RGS7: variants seen among roughly 807,000 people sequenced by gnomAD.
The protein encoded by RGS7 is regulator of G-protein signaling 7.
Under a neutral mutation model 81.1 loss-of-function variants are expected in RGS7, and 27 were observed. The ratio of observed to expected loss-of-function variants is 0.33; its 90% CI spans 0.25 to 0.46. The LOEUF (loss-of-function observed/expected upper bound fraction) is 0.46. Among genes scored for constraint, RGS7 ranks in the 20% least tolerant of loss-of-function variants. The pLI is 1.00. For missense variants in RGS7, 396 were observed against 607.4 expected (o/e 0.65, Z 3.66); for synonymous variants, 208 against 207.7 (o/e 1.00, Z -0.01).
At chr1:241,004,189 C>A (rs769173680) in intron 3 of RGS7, among the ~76,000 whole-genome samples, 23 of 152,156 alleles carry the variant, frequency 1.5e-4, no homozygotes, top group Admixed American at 6.5e-5. Flanking sequence ...AAGACTAAGG[C>A]CTGAAATCCT....
intron 2 of RGS7, among the ~76,000 whole-genome samples, chr1:241,189,057 C>G (rs1439118961): frequency 6.6e-6 from 1 of 152,142 alleles, no homozygotes; most frequent in Non-Finnish European, 1.5e-5. Flanking sequence ...TCACTGTGGT[C>G]TCAAATTCCT....
chr1:241,152,662 G>A (rs1270753645), intron 2 of RGS7, among the ~76,000 whole-genome samples: 1 of 152,184 alleles, frequency 6.6e-6, no homozygotes, highest in Non-Finnish European at 1.5e-5. Context: ...TGTGTTCAAT[G>A]GAGCAATGTG....
At chr1:241,221,058 A>G (rs2074956855) in intron 2 of RGS7, among the ~76,000 whole-genome samples, 1 of 136,090 alleles carries the variant, frequency 7.3e-6, no homozygotes, top group Admixed American at 7.2e-5. Context: ...AAAGAAAGAA[A>G]GAGAGAGAGA....
intron 2 of RGS7, among the ~76,000 whole-genome samples, chr1:241,112,289 T>G (rs1220763017): frequency 6.6e-6 from 1 of 152,124 alleles, no homozygotes; most frequent in Non-Finnish European, 1.5e-5. Flanking sequence ...CCCAGAGATG[T>G]CTCTGGGATG....
intron 3 of RGS7, among the ~76,000 whole-genome samples, chr1:240,991,442 GC>G (rs1306982554): frequency 6.6e-6 from 1 of 152,174 alleles, no homozygotes; most frequent in Non-Finnish European, 1.5e-5. Context: ...AACCAGAGAA[GC>G]TTTTCCCAAG....
intron 6 of RGS7, among the ~76,000 whole-genome samples, chr1:240,923,990 T>C (rs1156800959): frequency 6.6e-6 from 1 of 152,160 alleles, no homozygotes; most frequent in Non-Finnish European, 1.5e-5. Context: ...TATGTGTTTA[T>C]TTCAAAATTC....
chr1:240,923,215 A>G (rs1166627740), intron 6 of RGS7, among the ~76,000 whole-genome samples: 2 of 152,090 alleles, frequency 1.3e-5, no homozygotes, highest in African/African-American at 2.4e-5. Context: ...GGCAGAACAC[A>G]GAGAATCTTT....
At chr1:240,964,634 T>A (rs1474888059) in intron 4 of RGS7, among the ~76,000 whole-genome samples, 2 of 152,182 alleles carry the variant, frequency 1.3e-5, no homozygotes, top group Admixed American at 1.3e-4. Context: ...GTACCTCCAG[T>A]GCAAGGATGG....
intron 2 of RGS7, among the ~76,000 whole-genome samples, chr1:241,251,070 C>T (rs1252958043): frequency 1.3e-5 from 2 of 152,176 alleles, no homozygotes; most frequent in Admixed American, 6.5e-5. Context: ...TATTTTCAAA[C>T]CTTCTGTTTT....
chr1:241,009,115 T>C (rs951730343), intron 3 of RGS7, among the ~76,000 whole-genome samples: 1 of 152,118 alleles, frequency 6.6e-6, no homozygotes, highest in African/African-American at 2.4e-5. Context: ...ATCTTCATTA[T>C]AGATTAACTT....
At chr1:241,251,755 C>G (rs1484881283) in intron 2 of RGS7, among the ~76,000 whole-genome samples, 1 of 152,048 alleles carries the variant, frequency 6.6e-6, no homozygotes, top group Non-Finnish European at 1.5e-5. Context: ...GGTGATCTGC[C>G]CACCTCAGCC....
At chr1:241,040,690 A>T (rs2060570746) in intron 3 of RGS7, among the ~76,000 whole-genome samples, 1 of 152,092 alleles carries the variant, frequency 6.6e-6, no homozygotes, top group Non-Finnish European at 1.5e-5. Flanking sequence ...GGGTTTTACC[A>T]TCTTGGCCGT....
At chr1:241,267,745 A>T (rs1216926099) in intron 2 of RGS7, among the ~76,000 whole-genome samples, 1 of 152,118 alleles carries the variant, frequency 6.6e-6, no homozygotes, top group East Asian at 1.9e-4. Flanking sequence ...TTTAGCACAC[A>T]TATTTTTAAT....
At chr1:241,125,601 T>C (rs1362120625) in intron 2 of RGS7, among the ~76,000 whole-genome samples, 1 of 152,182 alleles carries the variant, frequency 6.6e-6, no homozygotes, top group Non-Finnish European at 1.5e-5. Flanking sequence ...ACTTCTCTAG[T>C]TAGAAAAAAA....
chr1:240,815,617 T>C (rs1367574610), intron 11 of RGS7, among the ~76,000 whole-genome samples: 1 of 152,156 alleles, frequency 6.6e-6, no homozygotes, highest in East Asian at 1.9e-4. Flanking sequence ...CTGATTATTG[T>C]AAATATACTA....
intron 6 of RGS7, among the ~76,000 whole-genome samples, chr1:240,911,575 G>T (rs954962561): frequency 6.6e-6 from 1 of 152,094 alleles, no homozygotes; most frequent in African/African-American, 2.4e-5. Flanking sequence ...CTTTACTTTA[G>T]AATTGGATAG....
intron 2 of RGS7, among the ~76,000 whole-genome samples, chr1:241,325,573 C>T (rs2081443702): frequency 6.6e-6 from 1 of 152,184 alleles, no homozygotes; most frequent in Non-Finnish European, 1.5e-5. Flanking sequence ...TCTCTACTGA[C>T]TTTCACTAGG....
At chr1:241,138,899 C>T (rs1224736806) in intron 2 of RGS7, among the ~76,000 whole-genome samples, 2 of 152,038 alleles carry the variant, frequency 1.3e-5, no homozygotes, top group African/African-American at 4.8e-5. Flanking sequence ...AAATCACAAA[C>T]TCCAGGCTTT....
chr1:241,338,889 A>G (rs1364997146), intron 2 of RGS7, among the ~76,000 whole-genome samples: 1 of 151,964 alleles, frequency 6.6e-6, no homozygotes, highest in Non-Finnish European at 1.5e-5. Context: ...TGCCTTGCAC[A>G]TATTAATTTT....
Sources: allele counts gnomAD v4.1 joint callset (sites outside exome capture counted in the v4.1 genomes callset), GRCh38; gene constraint gnomAD v4.1.1; transcripts MANE v1.5; gene names NCBI Gene and HGNC (gene_info 2026-07-23, HGNC 2026-07-21).